NTAQ1: variants seen among roughly 807,000 people sequenced by gnomAD.
NTAQ1 encodes protein N-terminal glutamine amidohydrolase.
Under a neutral mutation model 28.2 loss-of-function variants are expected in NTAQ1, and 21 were observed. The observed-to-expected ratio is 0.74, with a 90% confidence interval of 0.53 to 1.07. NTAQ1 has a LOEUF of 1.07. Among genes scored for constraint, NTAQ1 ranks in the 50% least tolerant of loss-of-function variants. NTAQ1 has a pLI of 0.00. For synonymous variants in NTAQ1, 105 were observed against 90.0 expected (o/e 1.17, Z -0.94); for missense variants, 264 against 256.6 (o/e 1.03, Z -0.20).
chr8:123,459,010 G>A (rs919424158), intron 6 of NTAQ1, among the ~76,000 whole-genome samples: 15 of 152,036 alleles, frequency 9.9e-5, no homozygotes, highest in Non-Finnish European at 1.6e-4. Flanking sequence ...CCCAGGGGGC[G>A]GAGGTTGCAG....
chr8:123,446,752 T>TA (rs1456938043), downstream of NTAQ1, among the ~76,000 whole-genome samples: 2 of 152,326 alleles, frequency 1.3e-5, no homozygotes, highest in East Asian at 3.9e-4. Context: ...ATCTTGGACT[T>TA]ACAGCCTCCG....
intron 6 of NTAQ1, among the ~76,000 whole-genome samples, chr8:123,453,492 G>A (rs1274818036): frequency 1.3e-5 from 2 of 150,868 alleles, no homozygotes; most frequent in Admixed American, 6.6e-5. Flanking sequence ...GCAGTGGCAC[G>A]ATCTCAGCTC....
At chr8:123,438,629 A>G (rs1286452165) in intron 5 of NTAQ1, among the ~76,000 whole-genome samples, 1 of 149,910 alleles carries the variant, frequency 6.7e-6, no homozygotes, top group African/African-American at 2.5e-5. Flanking sequence ...CCGAGATCGC[A>G]CCACTGCACT....
At chr8:123,429,879 C>G in intron 2 of NTAQ1, 104 bp from the exon 3 acceptor site, 1 of 335,350 alleles carries the variant, frequency 3.0e-6, no homozygotes, top group Non-Finnish European at 4.6e-6. Context: ...GACTCTGTCT[C>G]AAAAAAAAAA....
At chr8:123,453,521 C>T (rs1815565251) in intron 6 of NTAQ1, among the ~76,000 whole-genome samples, 1 of 151,582 alleles carries the variant, frequency 6.6e-6, no homozygotes, top group African/African-American at 2.4e-5. Context: ...CTCTGCCTCT[C>T]AGGTTCAAGT....
intron 1 of NTAQ1, among the ~76,000 whole-genome samples, chr8:123,425,183 C>T (rs1813970085): frequency 6.6e-6 from 1 of 152,084 alleles, no homozygotes; most frequent in South Asian, 2.1e-4. Context: ...CCTCCGCCTC[C>T]TGGTTTCAAG....
chr8:123,452,738 C>A (rs943087283), downstream of NTAQ1, among the ~76,000 whole-genome samples: 1 of 121,842 alleles, frequency 8.2e-6, no homozygotes, highest in Non-Finnish European at 1.8e-5. Flanking sequence ...CCCGTCTTTA[C>A]TAAAAATACA....
intron 1 of NTAQ1, among the ~76,000 whole-genome samples, chr8:123,427,716 T>G (rs536915134): frequency 6.6e-6 from 1 of 152,298 alleles, no homozygotes; most frequent in Admixed American, 6.5e-5. Flanking sequence ...GGTAATTAGC[T>G]CTGTGTGGAG....
chr8:123,429,020 AG>A (rs1258482271), intron 2 of NTAQ1, among the ~76,000 whole-genome samples: 2 of 152,374 alleles, frequency 1.3e-5, no homozygotes, highest in East Asian at 1.9e-4. Context: ...ATAGAACTAC[AG>A]TCAACTTACA....
chr8:123,449,893 ATCTC>A (rs1815424193), downstream of NTAQ1, among the ~76,000 whole-genome samples: 1 of 82,708 alleles, frequency 1.2e-5, no homozygotes. Context: ...CTCTCTCTCT[ATCTC>A]TCCATATGTA....
intron 6 of NTAQ1, among the ~76,000 whole-genome samples, chr8:123,455,529 G>C (rs1004500549): frequency 6.7e-6 from 1 of 149,884 alleles, no homozygotes; most frequent in Non-Finnish European, 1.5e-5. Context: ...GGGTTCAAGC[G>C]ATTCTCTGCC....
At chr8:123,446,501 G>T (rs1175398960), downstream of NTAQ1, among the ~76,000 whole-genome samples, 1 of 152,072 alleles carries the variant, frequency 6.6e-6, no homozygotes, top group Non-Finnish European at 1.5e-5. Context: ...GCAAAACCTG[G>T]GTCTCCTTTC....
chr8:123,450,665 A>G (rs1314171907), downstream of NTAQ1, among the ~76,000 whole-genome samples: 1 of 152,160 alleles, frequency 6.6e-6, no homozygotes, highest in Non-Finnish European at 1.5e-5. Flanking sequence ...TGGTTCATGC[A>G]GCCCTTCTTC....
chr8:123,431,439 G>A (rs550363819), intron 3 of NTAQ1, among the ~76,000 whole-genome samples: 1 of 152,090 alleles, frequency 6.6e-6, no homozygotes, highest in African/African-American at 2.4e-5. Context: ...CTAGTTTCTG[G>A]GTATTTATTT....
intron 1 of NTAQ1, among the ~76,000 whole-genome samples, chr8:123,424,615 C>G (rs1813929553): frequency 6.6e-6 from 1 of 151,624 alleles, no homozygotes. Flanking sequence ...CTCAGGTGAT[C>G]CAAGGTCTTA....
chr8:123,430,005 C>G lies in NTAQ1; in HGVS notation c.206C>G (p.Ala69Gly). ...RKMIPIWKQQ[A>G]RPGDGPVIWD... ...TAGATACCTATCTGGAAACAACAGG[C>G]GAGACCTGGAGATGGACCTGTGATC... The change falls in exon 3 of 6, where the codon GCG (alanine) becomes GGG (glycine). Residue 69 changes from alanine (A) to glycine (G), a missense_variant. Coordinates refer to ENST00000287387, the MANE Select transcript of NTAQ1 (RefSeq NM_018024.3). The G allele has an allele frequency of 6.2e-7, 1 of 1,612,278 alleles. No individual in the cohort carries two copies. Among genetic ancestry groups the G allele is most frequent in the Non-Finnish European group, 8.5e-7 (1 of 1,179,276 alleles).
At chr8:123,471,175 C>G (rs1045068486), downstream of NTAQ1, among the ~76,000 whole-genome samples, 2 of 151,996 alleles carry the variant, frequency 1.3e-5, no homozygotes, top group African/African-American at 2.4e-5. Flanking sequence ...AATCAGTCCT[C>G]CTGCCTTGGC....
downstream of NTAQ1, among the ~76,000 whole-genome samples, chr8:123,474,413 A>G (rs2130453176): frequency 6.6e-6 from 1 of 152,324 alleles, no homozygotes; most frequent in African/African-American, 2.4e-5. Context: ...AGATAATACA[A>G]TTTTGGCAAG....
chr8:123,417,036 C>T, intron 1 of NTAQ1, 104 bp downstream of exon 1: 8 of 1,180,370 alleles, frequency 6.8e-6, no homozygotes, highest in Non-Finnish European at 8.9e-6. Flanking sequence ...CGCTCCCGGC[C>T]TCTACCGGCG....
Sources: gnomAD v4.1 joint callset for allele counts (sites outside exome capture counted in the v4.1 genomes callset) on GRCh38, gnomAD v4.1.1 for gene constraint, MANE v1.5 for transcripts, NCBI Gene and HGNC (gene_info 2026-07-23, HGNC 2026-07-21) for gene names.